The following OCA2 variants were observed in gnomAD, a reference collection of about 807,000 sequenced individuals.
OCA2 encodes P protein.
In OCA2, 77 loss-of-function variants were observed where a neutral mutation model predicts 100.2. That is an observed-to-expected ratio of 0.77 (90% CI 0.64 to 0.93). OCA2 has a LOEUF of 0.93. Ranked by LOEUF, OCA2 falls within the 40% of genes least tolerant of loss-of-function variation. OCA2 has a pLI of 0.00. For missense variants in OCA2, 1,062 were observed against 1,089.1 expected (o/e 0.98, Z 0.35); for synonymous variants, 432 against 439.2 (o/e 0.98, Z 0.21).
intron 19 of OCA2, among the ~76,000 whole-genome samples, chr15:27,886,618 T>TA (rs552686391): frequency 5.7e-4 from 87 of 152,204 alleles, no homozygotes; most frequent in South Asian, 1.0e-3. Flanking sequence ...ATCAAGGAAA[T>TA]ACAATATAGC....
At chr15:27,865,027 T>C (rs948563175) in intron 21 of OCA2, among the ~76,000 whole-genome samples, 7 of 151,554 alleles carry the variant, frequency 4.6e-5, no homozygotes, top group African/African-American at 1.2e-4. Flanking sequence ...AGAAAAGAAA[T>C]AGGAAGAGAA....
chr15:27,964,215 G>A (rs577157259), intron 15 of OCA2, among the ~76,000 whole-genome samples: 1 of 152,320 alleles, frequency 6.6e-6, no homozygotes, highest in Admixed American at 6.5e-5. Flanking sequence ...AATTGAAGAT[G>A]AGGAAATATT....
intron 19 of OCA2, among the ~76,000 whole-genome samples, chr15:27,894,801 T>C (rs2151615206): frequency 6.6e-6 from 1 of 152,308 alleles, no homozygotes; most frequent in South Asian, 2.1e-4. Context: ...GTCTGGAACC[T>C]GAATGACTTG....
chr15:27,954,632 G>T (rs1369245530), intron 17 of OCA2, among the ~76,000 whole-genome samples: 2 of 151,908 alleles, frequency 1.3e-5, no homozygotes, highest in Non-Finnish European at 2.9e-5. Flanking sequence ...GAGCTCTCTC[G>T]ACTGGGAAGG....
intron 23 of OCA2, among the ~76,000 whole-genome samples, chr15:27,768,142 G>A (rs1417392504): frequency 6.6e-6 from 1 of 152,176 alleles, no homozygotes; most frequent in African/African-American, 2.4e-5. Context: ...TGTGAGGTGC[G>A]GCCCCTGCCA....
chr15:27,771,329 C>T (rs1448432541), intron 23 of OCA2, among the ~76,000 whole-genome samples: 2 of 150,128 alleles, frequency 1.3e-5, no homozygotes, highest in African/African-American at 2.4e-5. Flanking sequence ...GGAGAAAGGG[C>T]GGCGCTATAG....
chr15:27,963,322 G>A (rs1174135448), intron 15 of OCA2, among the ~76,000 whole-genome samples: 1 of 152,084 alleles, frequency 6.6e-6, no homozygotes, highest in African/African-American at 2.4e-5. Context: ...CTCCTAACAA[G>A]AGCAGAATAC....
chr15:27,942,382 A>C (rs570986216), intron 18 of OCA2, among the ~76,000 whole-genome samples: 1 of 152,120 alleles, frequency 6.6e-6, no homozygotes, highest in African/African-American at 2.4e-5. Flanking sequence ...TGTTATGCTA[A>C]GTGAAAGAAG....
At chr15:27,728,719 T>C in the OCA2 span, among the ~76,000 whole-genome samples, 1 of 152,192 alleles carries the variant, frequency 6.6e-6, no homozygotes, top group Non-Finnish European at 1.5e-5. Flanking sequence ...GAAGAGGCTC[T>C]CTGGTTCCAG....
chr15:27,770,861 C>CTTT (rs2031729614), intron 23 of OCA2, among the ~76,000 whole-genome samples: 3 of 110,798 alleles, frequency 2.7e-5, no homozygotes, highest in African/African-American at 1.3e-4. Context: ...TTCCTTTCTT[C>CTTT]CTTCCTTCCC....
chr15:27,827,993 G>T (rs2034799915), intron 23 of OCA2, among the ~76,000 whole-genome samples: 1 of 152,142 alleles, frequency 6.6e-6, no homozygotes, highest in Non-Finnish European at 1.5e-5. Context: ...ATTATAAATA[G>T]ATTTTTCCAG....
intron 1 of OCA2, among the ~76,000 whole-genome samples, chr15:28,088,657 C>T (rs1252228982): frequency 6.6e-6 from 1 of 152,082 alleles, no homozygotes; most frequent in Admixed American, 6.6e-5. Context: ...CCGTGATGCC[C>T]CCTGAGCCGT....
At chr15:27,858,998 C>A (rs937855547) in intron 21 of OCA2, among the ~76,000 whole-genome samples, 12 of 152,010 alleles carry the variant, frequency 7.9e-5, no homozygotes, top group African/African-American at 2.9e-4. Context: ...ACACAACATA[C>A]TAAAACTTGT....
chr15:27,994,369 T>C (rs1595783069), intron 9 of OCA2, among the ~76,000 whole-genome samples: 1 of 152,196 alleles, frequency 6.6e-6, no homozygotes, highest in South Asian at 2.1e-4. Context: ...TCCATGAAAC[T>C]AGTCCCTGGT....
In OCA2 at chr15:27,917,532, G is replaced by A. The variant is rs559858289; in HGVS notation, c.2079+8595C>T. On this transcript the variant is annotated intron_variant, in intron 19 of 23. Transcript: ENST00000354638. ...GATCTCTGAGCATCCCCACTGGAGT[G>A]CTCTCATGGTCCTGTGATATTCATG... Among the ~76,000 whole-genome samples, 9 of 152,270 alleles carry A rather than the reference G, an allele frequency of 5.9e-5. No homozygotes were observed. The South Asian group carries it at 1.7e-3, about 28-fold the overall frequency.
intron 23 of OCA2, among the ~76,000 whole-genome samples, chr15:27,842,527 T>G (rs1443999161): frequency 1.3e-5 from 2 of 152,126 alleles, no homozygotes; most frequent in Non-Finnish European, 2.9e-5. Flanking sequence ...TTCATGCAAA[T>G]AAAGGCCCTA....
chr15:27,882,029 AC>A (rs2037040205), intron 19 of OCA2, among the ~76,000 whole-genome samples: 1 of 152,082 alleles, frequency 6.6e-6, no homozygotes, highest in Non-Finnish European at 1.5e-5. Flanking sequence ...TTCCCCTCTT[AC>A]CACTGCTTTA....
intron 13 of OCA2, 61 bp downstream of exon 13, chr15:27,985,003 G>C: frequency 6.2e-7 from 1 of 1,604,798 alleles, no homozygotes; most frequent in Non-Finnish European, 8.5e-7. Flanking sequence ...AGGCAGTGCA[G>C]GCAGAGCCCC....
intron 19 of OCA2, among the ~76,000 whole-genome samples, chr15:27,883,647 C>T (rs1431849244): frequency 2.0e-5 from 3 of 152,088 alleles, no homozygotes; most frequent in African/African-American, 4.8e-5. Flanking sequence ...TGCCTTCAGC[C>T]GGCATTTGAG....
Sources: gnomAD v4.1 joint callset for allele counts (sites outside exome capture counted in the v4.1 genomes callset) on GRCh38, gnomAD v4.1.1 for gene constraint, MANE v1.5 for transcripts, NCBI Gene and HGNC (gene_info 2026-07-23, HGNC 2026-07-21) for gene names.